The following RAB27B variants were observed in gnomAD, a reference collection of about 807,000 sequenced individuals.
RAB27B encodes the protein ras-related protein Rab-27B.
Under a neutral mutation model 24.6 loss-of-function variants are expected in RAB27B, and 15 were observed. The observed-to-expected ratio is 0.61, with a 90% confidence interval of 0.41 to 0.94. RAB27B has a LOEUF of 0.94. Among genes scored for constraint, RAB27B ranks in the 40% least tolerant of loss-of-function variants. The pLI, the probability that RAB27B is intolerant of heterozygous loss-of-function variation, is 0.00. For synonymous variants in RAB27B, 105 were observed against 92.5 expected, an observed-to-expected ratio of 1.14 and a Z score of -0.78; for missense variants, 261 against 266.8, an observed-to-expected ratio of 0.98 and a Z score of 0.15.
chr18:54,885,538 G>A (rs1239365911), intron 4 of RAB27B, among the ~76,000 whole-genome samples: 1 of 151,980 alleles, frequency 6.6e-6, no homozygotes, highest in East Asian at 1.9e-4. Context: ...CTCATTTACA[G>A]CCCTGTGCTA....
intron 1 of RAB27B, among the ~76,000 whole-genome samples, chr18:54,849,114 C>T (rs1006222167): frequency 1.3e-5 from 2 of 152,044 alleles, no homozygotes; most frequent in African/African-American, 2.4e-5. Context: ...TCAGAAACGT[C>T]GATGTAATGG....
intron 2 of RAB27B, among the ~76,000 whole-genome samples, chr18:54,719,859 ATAAT>A (rs1909304136): frequency 6.6e-6 from 1 of 152,102 alleles, no homozygotes; most frequent in African/African-American, 2.4e-5. Context: ...TACCCATCAT[ATAAT>A]GATTTGCAGC....
At chr18:54,788,504 T>C (rs1253653069) in intron 2 of RAB27B, among the ~76,000 whole-genome samples, 2 of 152,198 alleles carry the variant, frequency 1.3e-5, no homozygotes, top group East Asian at 1.9e-4. Flanking sequence ...GGTTTCACCA[T>C]GTTGGCCATG....
intron 2 of RAB27B, among the ~76,000 whole-genome samples, chr18:54,810,260 T>C (rs531446784): frequency 2.0e-5 from 3 of 152,354 alleles, no homozygotes; most frequent in Non-Finnish European, 2.9e-5. Flanking sequence ...GCCTGTCATT[T>C]GTATGCCTCC....
At chr18:54,782,123 T>A (rs550917860) in intron 2 of RAB27B, among the ~76,000 whole-genome samples, 1 of 152,362 alleles carries the variant, frequency 6.6e-6, no homozygotes, top group African/African-American at 2.4e-5. Context: ...AACATTCCAT[T>A]GTGCTCAGGG....
intron 2 of RAB27B, among the ~76,000 whole-genome samples, chr18:54,743,461 G>A (rs903535806): frequency 6.6e-6 from 1 of 152,174 alleles, no homozygotes; most frequent in Non-Finnish European, 1.5e-5. Context: ...AGGGCCGAGA[G>A]AGTAGGAGCT....
upstream of RAB27B, among the ~76,000 whole-genome samples, chr18:54,823,904 CT>C (rs1317362670): frequency 6.6e-6 from 1 of 152,130 alleles, no homozygotes; most frequent in African/African-American, 2.4e-5. Flanking sequence ...ATCTACAGTT[CT>C]TGTGGAACAG....
chr18:54,821,871 A>C (rs1910321591), intron 2 of RAB27B, among the ~76,000 whole-genome samples: 1 of 152,182 alleles, frequency 6.6e-6, no homozygotes, highest in East Asian at 1.9e-4. Flanking sequence ...CTTCTGCCTC[A>C]GTCTCCCGAG....
upstream of RAB27B, among the ~76,000 whole-genome samples, chr18:54,826,751 C>A (rs1910489735): frequency 6.6e-6 from 1 of 152,176 alleles, no homozygotes; most frequent in Admixed American, 6.5e-5. Flanking sequence ...TGTCTTCCAC[C>A]TTTTGAACTT....
intron 3 of RAB27B, chr18:54,880,354 C>T (rs967210016): frequency 6.6e-6 from 1 of 152,060 alleles, no homozygotes. Flanking sequence ...GCAAAAGACC[C>T]CAAGCTAATG....
chr18:54,763,360 G>A (rs2145054895), intron 2 of RAB27B, among the ~76,000 whole-genome samples: 1 of 152,152 alleles, frequency 6.6e-6, no homozygotes, highest in East Asian at 1.9e-4. Context: ...ACAGACCAAT[G>A]AAGGACAAGC....
intron 1 of RAB27B, among the ~76,000 whole-genome samples, chr18:54,856,369 G>A (rs1048038246): frequency 6.6e-6 from 1 of 152,240 alleles, no homozygotes; most frequent in East Asian, 1.9e-4. Flanking sequence ...ACTAGCCAGA[G>A]CCAGATCATG....
At chr18:54,744,591 A>C (rs1208054345) in intron 2 of RAB27B, among the ~76,000 whole-genome samples, 1 of 152,218 alleles carries the variant, frequency 6.6e-6, no homozygotes, top group Admixed American at 6.5e-5. Flanking sequence ...TTACGTATAC[A>C]TTGTATACAT....
intron 1 of RAB27B, among the ~76,000 whole-genome samples, chr18:54,850,359 T>TATATACAC (rs1491518141): frequency 7.9e-6 from 1 of 126,874 alleles, no homozygotes; most frequent in African/African-American, 3.1e-5. Context: ...TATATATATA[T>TATATACAC]ACATACATAC....
chr18:54,819,531 CAA>C (rs33940922), intron 2 of RAB27B, among the ~76,000 whole-genome samples: 3 of 65,166 alleles, frequency 4.6e-5, no homozygotes, highest in Non-Finnish European at 9.0e-5. Flanking sequence ...GACTCCATCT[CAA>C]AAAAAAAAAA....
At chr18:54,742,620 A>G (rs1047911956) in intron 2 of RAB27B, among the ~76,000 whole-genome samples, 1 of 152,204 alleles carries the variant, frequency 6.6e-6, no homozygotes, top group Non-Finnish European at 1.5e-5. Context: ...TAAAGCAAGT[A>G]ATTATGAGAA....
At chr18:54,752,148 C>T (rs1338521216) in intron 2 of RAB27B, among the ~76,000 whole-genome samples, 3 of 152,160 alleles carry the variant, frequency 2.0e-5, no homozygotes, top group African/African-American at 7.2e-5. Context: ...CAGTGGTGAA[C>T]ATGGTGGTGA....
At chr18:54,769,773 A>G (rs528985784) in intron 2 of RAB27B, among the ~76,000 whole-genome samples, 4 of 152,032 alleles carry the variant, frequency 2.6e-5, no homozygotes, top group Non-Finnish European at 5.9e-5. Flanking sequence ...TTTTTTTTCT[A>G]GTTAAGTAGT....
Position 54,879,389 on chromosome 18 carries a change from G to T in RAB27B, c.174G>T (p.Pro58=). The T allele has an allele frequency of 6.2e-7, 1 of 1,612,518 alleles. No individual in the cohort carries two copies. Among genetic ancestry groups the T allele is most frequent in the Non-Finnish European group, 8.5e-7 (1 of 1,178,720 alleles). Residue 58 remains proline, a synonymous_variant, in exon 3 of 6, where the codon CCG becomes CCT. Coordinates refer to ENST00000262094, the MANE Select transcript of RAB27B (RefSeq NM_004163.4). ...EKRVVYNAQG[P]NGSSGKAFKV... The stretch of plus-strand genomic sequence containing the variant: ...TTCAGGTTTATAATGCACAAGGACC[G>T]AATGGATCTTCAGGGAAAGCATTTA...
Sources: allele counts gnomAD v4.1 joint callset (sites outside exome capture counted in the v4.1 genomes callset), GRCh38; gene constraint gnomAD v4.1.1; transcripts MANE v1.5; gene names NCBI Gene and HGNC (gene_info 2026-07-23, HGNC 2026-07-21).